Variants in HEBP2 observed in about 807,000 individuals in gnomAD.
HEBP2 encodes the protein heme binding protein 2.
In HEBP2, 27 loss-of-function variants were observed where a neutral mutation model predicts 23.1. The observed-to-expected ratio is 1.17, with a 90% CI of 0.86 to 1.61. The LOEUF (loss-of-function observed/expected upper bound fraction) is 1.61, where lower values mean the gene tolerates loss of function less well. Ranked by LOEUF, HEBP2 falls within the 40% of genes most tolerant of loss-of-function variation. The probability of loss-of-function intolerance (pLI) is 0.00; values close to 1 mark genes in which losing one functional copy is unlikely to be tolerated. For missense variants in HEBP2, 245 were observed against 253.8 expected, an observed-to-expected ratio of 0.97 and a Z score of 0.24; for synonymous variants, 99 against 95.1, an observed-to-expected ratio of 1.04 and a Z score of -0.24.
chr6:138,406,292 T>G, intron 3 of HEBP2, 141 bp downstream of exon 3: 1 of 737,662 alleles, frequency 1.4e-6, no homozygotes, highest in Non-Finnish European at 2.3e-6. Context: ...GTTTTCCTAC[T>G]GGCTTTGTTG....
rs1457559489 is a variant in HEBP2, at chr6:138,421,687, T to G, written c.*8609T>G. The G allele has an allele frequency of 6.6e-6, 1 of 152,208 alleles. No homozygotes were observed. The highest frequency in any genetic ancestry group is 1.5e-5 in the Non-Finnish European group (1 of 68,044). 9.4% of individuals were successfully genotyped at this position (152,208 alleles called of 1,614,324 possible). ...AGTAGCCACATGGAAGGTGCCATGT[T>G]TCAGGGATGAGTCTCGATTCTTCTC... On this transcript the variant is annotated 3_prime_UTR_variant, in exon 4 of 4. Transcript: ENST00000607197.
Position 138,410,292 on chromosome 6 carries a change from C to T in HEBP2, c.420-2588C>T, listed in dbSNP as rs552524939. Among the ~76,000 whole-genome samples, 384 of 152,278 alleles carry T rather than the reference C, an allele frequency of 2.5e-3. 2 individuals are homozygous for T. Among genetic ancestry groups the T allele is most frequent in the African/African-American group, 8.7e-3 (363 of 41,564 alleles). On this transcript the variant is annotated intron_variant, in intron 3 of 3. Coordinates refer to ENST00000607197, the MANE Select transcript of HEBP2 (RefSeq NM_014320.3). ...TATGTTGTCTGTGTTCTGAATAAAA[C>T]AGTGAATAGATCATTGTGAAACAAC...
In HEBP2 at chr6:138,419,909, C is replaced by T. The variant is rs1393966162; in HGVS notation, c.*6831C>T. On this transcript the variant is annotated 3_prime_UTR_variant, in exon 4 of 4. Coordinates refer to ENST00000607197, the MANE Select transcript of HEBP2 (RefSeq NM_014320.3). ...CCCATTGAACTACAGTCTGCTGCTA[C>T]TATGTGGGCACTTTGGACTCTGTGT... 1.3e-5 allele frequency: 2 copies of T among 152,228 alleles called. No homozygotes were observed. The highest frequency in any genetic ancestry group is 2.9e-5 in the Non-Finnish European group (2 of 68,060). 9.4% of individuals were successfully genotyped at this position (152,228 alleles called of 1,614,324 possible).
upstream of HEBP2, chr6:138,404,199 G>C (rs1401333871): frequency 7.0e-6 from 2 of 284,638 alleles, no homozygotes; most frequent in East Asian, 1.2e-4. Context: ...CTCAAAAGAA[G>C]GCGGGCCGAA....
At chr6:138,407,915 T>C (rs1389786114) in intron 3 of HEBP2, among the ~76,000 whole-genome samples, 1 of 152,196 alleles carries the variant, frequency 6.6e-6, no homozygotes, top group East Asian at 1.9e-4. Context: ...TGCACTGGAA[T>C]GCAGGAAACA....
rs534668911 is a variant in HEBP2, at chr6:138,413,239, C to G, written c.*161C>G. ...GCCTTTTTAATGCTTGAAGTTTTAT[C>G]TACATACACAGGTAACAGAGGACAG... On this transcript the variant is annotated 3_prime_UTR_variant, in exon 4 of 4. Coordinates refer to ENST00000607197, the MANE Select transcript of HEBP2 (RefSeq NM_014320.3). 8.2e-6 allele frequency: 5 copies of G among 609,226 alleles called. No individual in the cohort carries two copies. The African/African-American group carries it at 9.2e-5, about 11-fold the overall frequency. The allele number at this position is 609,226 out of a possible 1,614,324, so 37.7% of individuals were successfully genotyped here.
rs1159981273 is a variant in HEBP2 at position 138,413,822 on chromosome 6, C to CATCACTG, written c.*746_*752dup. On this transcript the variant is annotated 3_prime_UTR_variant, in exon 4 of 4. Transcript: ENST00000607197. ...AAGAAAACCTGTGTCCCAAGCCCCT[C>CATCACTG]ATCACTGACTTCCTCTTCACTAACT... 13 of 152,420 alleles carry CATCACTG rather than the reference C, an allele frequency of 8.5e-5. No individual in the cohort carries two copies. The highest frequency in any genetic ancestry group is 3.1e-4 in the African/African-American group (13 of 41,586). 9.4% of individuals were successfully genotyped at this position (152,420 alleles called of 1,614,324 possible).
In HEBP2 at chr6:138,416,858, T is replaced by G. The variant is rs1774849495; in HGVS notation, c.*3780T>G. On this transcript the variant is annotated 3_prime_UTR_variant, in exon 4 of 4. Coordinates refer to ENST00000607197, the MANE Select transcript of HEBP2 (RefSeq NM_014320.3). ...TCCAATTAAAAAACAAAAACATGAT[T>G]CCTTGCCAGTTTCTAGTTCAGTTTT... 6.6e-6 allele frequency: 1 copy of G among 152,144 alleles called. No homozygotes were observed. The highest frequency in any genetic ancestry group is 1.5e-5 in the Non-Finnish European group (1 of 68,024). The allele number at this position is 152,144 out of a possible 1,614,324, so 9.4% of individuals were successfully genotyped here. A position where few individuals can be genotyped will look rare whatever the true frequency, so the allele number is the denominator to read the frequency against.
chr6:138,412,013 G>A (rs947277285), intron 3 of HEBP2: 10 of 432,684 alleles, frequency 2.3e-5, no homozygotes, highest in Non-Finnish European at 4.1e-5. Flanking sequence ...TCTTCCATTG[G>A]ATCATAAATT....
chr6:138,406,858 C>G (rs1209735305), intron 3 of HEBP2, among the ~76,000 whole-genome samples: 3 of 152,106 alleles, frequency 2.0e-5, no homozygotes, highest in African/African-American at 7.2e-5. Flanking sequence ...AAGGCCCCAT[C>G]TCTACCAAAT....
At chr6:138,409,772 T>A (rs985406253) in intron 3 of HEBP2, among the ~76,000 whole-genome samples, 2 of 152,150 alleles carry the variant, frequency 1.3e-5, no homozygotes, top group Non-Finnish European at 2.9e-5. Flanking sequence ...CAGCCCTGTC[T>A]CAGCAGCTCC....
At chr6:138,410,192 C>T (rs1213509575) in intron 3 of HEBP2, among the ~76,000 whole-genome samples, 1 of 152,166 alleles carries the variant, frequency 6.6e-6, no homozygotes, top group African/African-American at 2.4e-5. Context: ...AAGAATATGA[C>T]AGCATGTTAC....
rs1156845893 is a variant in HEBP2 at position 138,419,284 on chromosome 6, C to T, written c.*6206C>T. The T allele has an allele frequency of 6.6e-6, 1 of 152,228 alleles. No individual in the cohort carries two copies. The highest frequency in any genetic ancestry group is 1.5e-5 in the Non-Finnish European group (1 of 68,052). The allele number at this position is 152,228 out of a possible 1,614,324, so 9.4% of individuals were successfully genotyped here. A position where few individuals can be genotyped will look rare whatever the true frequency, so the allele number is the denominator to read the frequency against. On this transcript the variant is annotated 3_prime_UTR_variant, in exon 4 of 4. Transcript: ENST00000607197. ...TACCAATGCTGAGACCCTGATGAGGCTGTGAAGACCAACTGGTCGCTTGAT... is the reference window on the plus strand; with the variant it reads ...TACCAATGCTGAGACCCTGATGAGGTTGTGAAGACCAACTGGTCGCTTGAT...
At position 138,419,262 on chromosome 6, in the gene HEBP2, C is replaced by G. The variant is rs148187645; in HGVS notation, c.*6184C>G. On this transcript the variant is annotated 3_prime_UTR_variant, in exon 4 of 4. Coordinates refer to ENST00000607197, the MANE Select transcript of HEBP2 (RefSeq NM_014320.3). ...TATCCAACCTGCCTGCAACAAATACCAATGCTGAGACCCTGATGAGGCTGT... is the reference window on the plus strand; with the variant it reads ...TATCCAACCTGCCTGCAACAAATACGAATGCTGAGACCCTGATGAGGCTGT... 8.7e-4 allele frequency: 132 copies of G among 152,342 alleles called. No homozygotes were observed. The highest frequency in any genetic ancestry group is 2.9e-3 in the African/African-American group (119 of 41,560). 9.4% of individuals were successfully genotyped at this position (152,342 alleles called of 1,614,324 possible). A position where few individuals can be genotyped will look rare whatever the true frequency, so the allele number is the denominator to read the frequency against.
intron 3 of HEBP2, among the ~76,000 whole-genome samples, chr6:138,408,804 C>T (rs1263664171): frequency 6.6e-6 from 1 of 152,166 alleles, no homozygotes; most frequent in Non-Finnish European, 1.5e-5. Context: ...CCGACTTGTT[C>T]TGGGCAATCC....
rs114472278 is a variant in HEBP2, at chr6:138,409,152, G to A, written c.419+3001G>A. The stretch of plus-strand genomic sequence containing the variant: ...AGGGATCCTCCCACTTCAGCCTCCT[G>A]AGTAGCATGTGCCACCACCATGCCC... On this transcript the variant is annotated intron_variant, in intron 3 of 3. Transcript: ENST00000607197. Among the ~76,000 whole-genome samples the A allele has an allele frequency of 6.7e-3, 1,013 of 152,128 alleles. 10 individuals are homozygous for A. Among genetic ancestry groups the A allele is most frequent in the African/African-American group, 0.023 (961 of 41,488 alleles).
At chr6:138,411,797 GT>G (rs1041713175) in intron 3 of HEBP2, among the ~76,000 whole-genome samples, 1 of 152,106 alleles carries the variant, frequency 6.6e-6, no homozygotes, top group East Asian at 1.9e-4. Context: ...GTCTCTACAG[GT>G]TTTTTAAAAA....
At chr6:138,403,822 G>C (rs751905007), upstream of HEBP2, 2 of 400,548 alleles carry the variant, frequency 5.0e-6, no homozygotes, top group Non-Finnish European at 8.8e-6. Flanking sequence ...TCAGAAACCA[G>C]AACAGTTCCA....
chr6:138,405,152 G>A lies in HEBP2; in HGVS notation c.110G>A (p.Ser37Asn), dbSNP rs1774620543. 6.2e-7 allele frequency: 1 copy of A among 1,611,080 alleles called. No individual in the cohort carries two copies. Among genetic ancestry groups the A allele is most frequent in the African/African-American group, 1.3e-5 (1 of 74,690 alleles). The change falls in exon 2 of 4, where the codon AGT becomes AAT. Residue 37 changes from serine (S) to asparagine (N), a missense_variant. Coordinates refer to ENST00000607197, the MANE Select transcript of HEBP2 (RefSeq NM_014320.3). ...TTCTCTGTTCCACTTTAGCCCGGAA[G>A]TTATGAGATCCGACACTATGGACCA... is the stretch of plus-strand genomic sequence containing the variant. ...APEDAGPQPGSYEIRHYGPAK... is the reference protein window; with the variant it reads ...APEDAGPQPGNYEIRHYGPAK...
Sources: gnomAD v4.1 joint callset for allele counts (sites outside exome capture counted in the v4.1 genomes callset) on GRCh38, gnomAD v4.1.1 for gene constraint, MANE v1.5 for transcripts, NCBI Gene and HGNC (gene_info 2026-07-23, HGNC 2026-07-21) for gene names.